C15orf61: variants seen among roughly 807,000 people sequenced by gnomAD.
C15orf61 encodes uncharacterized protein C15orf61.
A neutral mutation model predicts 13.7 loss-of-function variants in C15orf61; 12 were observed. The observed-to-expected ratio is 0.88, with a 90% CI of 0.56 to 1.42. The LOEUF is 1.42. Among genes scored for constraint, C15orf61 ranks in the 40% most tolerant of loss-of-function variants. The pLI is 0.00. For synonymous variants in C15orf61, 92 were observed against 94.1 expected, an observed-to-expected ratio of 0.98 and a Z score of 0.13; for missense variants, 248 against 213.2, an observed-to-expected ratio of 1.16 and a Z score of -1.02.
In C15orf61 at chr15:67,521,375, C is replaced by G; in HGVS notation, c.127C>G (p.Arg43Gly). 4.5e-6 allele frequency: 7 copies of G among 1,539,084 alleles called. No homozygotes were observed. Among genetic ancestry groups the G allele is most frequent in the Non-Finnish European group, 6.1e-6 (7 of 1,146,352 alleles). ...SEVLTRHLLQ[R>G]RLPHWTSFCV... ...GGTGCTGACGCGGCATCTGCTGCAG[C>G]GGCGCCTGCCGCACTGGACCTCCTT... The change falls in exon 1 of 2, where the codon CGG becomes GGG. Residue 43 changes from arginine to glycine, a missense_variant. By Grantham distance (125) the Arg-to-Gly change is moderately radical. Coordinates refer to ENST00000342683, the MANE Select transcript of C15orf61 (RefSeq NM_001143936.2).
At chr15:67,521,733 T>C in intron 1 of C15orf61, 139 bp downstream of exon 1, 1 of 903,176 alleles carries the variant, frequency 1.1e-6, no homozygotes, top group Non-Finnish European at 1.6e-6. Flanking sequence ...CGGCTTCGCC[T>C]GGGGTCCTTT....
In C15orf61 at chr15:67,529,362, CAGTTAT is replaced by C. The variant is rs1290003572; in HGVS notation, c.*2822_*2827del. 6.6e-6 allele frequency: 1 copy of C among 152,150 alleles called. No individual in the cohort carries two copies. Among genetic ancestry groups the C allele is most frequent in the African/African-American group, 2.4e-5 (1 of 41,436 alleles). The allele number at this position is 152,150 out of a possible 1,614,324, so 9.4% of individuals were successfully genotyped here. On this transcript the variant is annotated 3_prime_UTR_variant, in exon 2 of 2. Coordinates refer to ENST00000342683, the MANE Select transcript of C15orf61 (RefSeq NM_001143936.2). The surrounding 1 kb of genome is among the most constrained non-coding windows in gnomAD (Gnocchi z 4.4). ...GTCCTAAAATGCCAAATTGTAGAAA[CAGTTAT>C]AGTTTACCACACATTTTGGGGCATT...
In C15orf61 at chr15:67,528,542, T is replaced by C. The variant is rs2084211285; in HGVS notation, c.*1997T>C. On this transcript the variant is annotated 3_prime_UTR_variant, in exon 2 of 2. Coordinates refer to ENST00000342683, the MANE Select transcript of C15orf61 (RefSeq NM_001143936.2). ...GCGTGGTTTAAAAATTTAAATATCA[T>C]TCATTGGATTTATTAAGTCTTGTAA... 6.6e-6 allele frequency: 1 copy of C among 152,228 alleles called. No homozygotes were observed. Among genetic ancestry groups the C allele is most frequent in the East Asian group, 1.9e-4 (1 of 5,196 alleles). 9.4% of individuals were successfully genotyped at this position (152,228 alleles called of 1,614,324 possible).
At chr15:67,521,723 C>T (rs1237400409) in intron 1 of C15orf61, 129 bp downstream of exon 1, 5 of 999,444 alleles carry the variant, frequency 5.0e-6, no homozygotes, top group African/African-American at 1.6e-5. Context: ...CTCCCGGCGC[C>T]GGCTTCGCCT....
rs1165021369 is a variant in C15orf61 at position 67,529,819 on chromosome 15, T to A, written c.*3274T>A. ...AACTGTAAGCATAGAACATCTATAG[T>A]TCTTCATGAAATATCTTTTAACTCT... On this transcript the variant is annotated 3_prime_UTR_variant, in exon 2 of 2. Transcript: ENST00000342683. The surrounding 1 kb of genome is among the most constrained non-coding windows in gnomAD (Gnocchi z 4.4). The A allele has an allele frequency of 6.6e-6, 1 of 152,230 alleles. No individual in the cohort carries two copies. The highest frequency in any genetic ancestry group is 6.5e-5 in the Admixed American group (1 of 15,282). 9.4% of individuals were successfully genotyped at this position (152,230 alleles called of 1,614,324 possible). A position where few individuals can be genotyped will look rare whatever the true frequency, so the allele number is the denominator to read the frequency against.
chr15:67,521,701 A>C, intron 1 of C15orf61, 107 bp downstream of exon 1: 1 of 1,163,362 alleles, frequency 8.6e-7, no homozygotes, highest in Non-Finnish European at 1.2e-6. Context: ...GTCCCGCGGG[A>C]GTCAGCTCTG....
In C15orf61 at chr15:67,525,036, A is replaced by G. The variant is rs980656567; in HGVS notation, c.347-1382A>G. 9.2e-5 allele frequency among the ~76,000 whole-genome samples: 14 copies of G among 152,022 alleles called. No homozygotes were observed. Among genetic ancestry groups the G allele is most frequent in the African/African-American group, 3.1e-4 (13 of 41,398 alleles). On this transcript the variant is annotated intron_variant, in intron 1 of 1. Coordinates refer to ENST00000342683, the MANE Select transcript of C15orf61 (RefSeq NM_001143936.2). This position sits in a 1 kb window ranked among gnomAD's most constrained non-coding sequence, Gnocchi z 4.9. The stretch of plus-strand genomic sequence containing the variant: ...TTTTTTGTAGAGACGGGGTTTCTCC[A>G]TGTTGGTCAGGCTGGTCTCGAACTC...
In C15orf61 at chr15:67,527,893, G is replaced by A. The variant is rs2084207483; in HGVS notation, c.*1348G>A. On this transcript the variant is annotated 3_prime_UTR_variant, in exon 2 of 2. Transcript: ENST00000342683. Reference sequence around the variant, plus strand: ...TACTTATGCCAATATATTTAGTCCAGAAGAATATACTTGACACTAGTTAAA... The same window carrying A: ...TACTTATGCCAATATATTTAGTCCAAAAGAATATACTTGACACTAGTTAAA... 2.0e-5 allele frequency: 3 copies of A among 152,176 alleles called. No homozygotes were observed. 9.4% of individuals were successfully genotyped at this position (152,176 alleles called of 1,614,324 possible). A position where few individuals can be genotyped will look rare whatever the true frequency, so the allele number is the denominator to read the frequency against.
At position 67,521,275 on chromosome 15, in the gene C15orf61, G is replaced by C. The variant is rs560365405; in HGVS notation, c.27G>C (p.Glu9Asp). ...TGGAGGCCCTGAGGAGGGCCCACGA[G>C]GTCGCGCTCCGCCTGCTGCTGTGTA... MEALRRAHEVALRLLLCRP... is the reference protein window; with the variant it reads MEALRRAHDVALRLLLCRP... The change falls in exon 1 of 2, where the codon GAG (glutamate) becomes GAC (aspartate). Residue 9 changes from glutamate (E) to aspartate (D), a missense_variant. Transcript: ENST00000342683. 1.9e-5 allele frequency: 27 copies of C among 1,437,694 alleles called. No homozygotes were observed. In the Middle Eastern group the frequency reaches 1.8e-3, roughly 97 times the overall value. 89.1% of individuals were successfully genotyped at this position (1,437,694 alleles called of 1,614,324 possible).
In C15orf61 at chr15:67,526,473, GACTGTGC is replaced by G; in HGVS notation, c.404_410del (p.Thr135IlefsTer7). ...CCTGGTTATTTGCCAGAGTCACAGA[GACTGTGC>G]ATACCAGTTATGGACCCATAACAGT... On this transcript the variant is annotated frameshift_variant, in exon 2 of 2. Coordinates refer to ENST00000342683, the MANE Select transcript of C15orf61 (RefSeq NM_001143936.2). LOFTEE classifies it high-confidence loss of function. 1.9e-6 allele frequency: 3 copies of G among 1,540,734 alleles called. No individual in the cohort carries two copies. In the South Asian group the frequency reaches 3.6e-5, roughly 18 times the overall value.
At position 67,521,285 on chromosome 15, in the gene C15orf61, C is replaced by A; in HGVS notation, c.37C>A (p.Arg13Ser). The part of the protein sequence containing the change: ...ALRRAHEVAL[R>S]LLLCRPWASR... The stretch of plus-strand genomic sequence containing the variant: ...GAGGAGGGCCCACGAGGTCGCGCTC[C>A]GCCTGCTGCTGTGTAGGCCGTGGGC... The change falls in exon 1 of 2, where the codon CGC becomes AGC. Residue 13 changes from arginine (R) to serine (S), a missense_variant. Physicochemically the swap from Arg to Ser is moderately radical, Grantham distance 110. Coordinates refer to ENST00000342683, the MANE Select transcript of C15orf61 (RefSeq NM_001143936.2). 1 of 1,460,238 alleles carries A rather than the reference C, an allele frequency of 6.8e-7. No individual in the cohort carries two copies. Among genetic ancestry groups the A allele is most frequent in the Non-Finnish European group, 9.0e-7 (1 of 1,109,194 alleles). The allele number at this position is 1,460,238 out of a possible 1,614,324, so 90.5% of individuals were successfully genotyped here.
chr15:67,521,568 T>A lies in C15orf61; in HGVS notation c.320T>A (p.Phe107Tyr). ...GACCTGGCCCGGCAGAACCGCTTCT[T>A]CACGGCGCTCAAGGTCGTCAACCTC... ...WQDLARQNRF[F>Y]TALKVVNLGI... is the part of the protein sequence containing the mutation. The change falls in exon 1 of 2, where the codon TTC becomes TAC. Residue 107 changes from phenylalanine (F) to tyrosine (Y), a missense_variant. By Grantham distance (22) the Phe-to-Tyr change is conservative. Coordinates refer to ENST00000342683, the MANE Select transcript of C15orf61 (RefSeq NM_001143936.2). 6.5e-7 allele frequency: 1 copy of A among 1,539,156 alleles called. No homozygotes were observed. Among genetic ancestry groups the A allele is most frequent in the Non-Finnish European group, 8.8e-7 (1 of 1,140,078 alleles).
intron 1 of C15orf61, among the ~76,000 whole-genome samples, chr15:67,524,317 A>G (rs1237914565): frequency 1.3e-5 from 2 of 151,764 alleles, no homozygotes; most frequent in Non-Finnish European, 2.9e-5. Context: ...ACTACTCCCT[A>G]TACTTCACTC....
chr15:67,526,684 G>A lies in C15orf61; in HGVS notation c.*139G>A, dbSNP rs569451928. The A allele has an allele frequency of 1.2e-6, 1 of 840,310 alleles. No individual in the cohort carries two copies. The highest frequency in any genetic ancestry group is 2.9e-5 in the South Asian group (1 of 34,766). The allele number at this position is 840,310 out of a possible 1,614,324, so 52.1% of individuals were successfully genotyped here. A position where few individuals can be genotyped will look rare whatever the true frequency, so the allele number is the denominator to read the frequency against. The stretch of plus-strand genomic sequence containing the variant: ...ATCTGCTTCTTTAAGATGAATCATT[G>A]CCCTCAAGAGGTGAAGCTTTTTATA... On this transcript the variant is annotated 3_prime_UTR_variant, in exon 2 of 2. Coordinates refer to ENST00000342683, the MANE Select transcript of C15orf61 (RefSeq NM_001143936.2).
Position 67,528,578 on chromosome 15 carries a change from T to G in C15orf61, c.*2033T>G, listed in dbSNP as rs1211256517. The G allele has an allele frequency of 6.6e-6, 1 of 152,220 alleles. No individual in the cohort carries two copies. The highest frequency in any genetic ancestry group is 2.4e-5 in the African/African-American group (1 of 41,458). 9.4% of individuals were successfully genotyped at this position (152,220 alleles called of 1,614,324 possible). A position where few individuals can be genotyped will look rare whatever the true frequency, so the allele number is the denominator to read the frequency against. The stretch of plus-strand genomic sequence containing the variant: ...TATTAAGTCTTGTAAACTTGTAGTC[T>G]GAAAACAATACTTCCCATTGAACAG... On this transcript the variant is annotated 3_prime_UTR_variant, in exon 2 of 2. Coordinates refer to ENST00000342683, the MANE Select transcript of C15orf61 (RefSeq NM_001143936.2).
rs1288990463 is a variant in C15orf61, at chr15:67,521,313, C to T, written c.65C>T (p.Ser22Leu). The T allele has an allele frequency of 5.2e-6, 8 of 1,525,412 alleles. No individual in the cohort carries two copies. In the African/African-American group the frequency reaches 5.5e-5, roughly 11 times the overall value. 94.5% of individuals were successfully genotyped at this position (1,525,412 alleles called of 1,614,324 possible). The change falls in exon 1 of 2, where the codon TCG becomes TTG. Residue 22 changes from serine to leucine, a missense_variant. Physicochemically the swap from Ser to Leu is moderately radical, Grantham distance 145. Transcript: ENST00000342683. ...LRLLLCRPWA[S>L]RAAARPKPSA... ...CTGCTGCTGTGTAGGCCGTGGGCCTCGCGCGCCGCCGCCCGCCCCAAGCCC... is the reference window on the plus strand; with the variant it reads ...CTGCTGCTGTGTAGGCCGTGGGCCTTGCGCGCCGCCGCCCGCCCCAAGCCC...
intron 1 of C15orf61, among the ~76,000 whole-genome samples, chr15:67,522,654 T>G (rs1245698338): frequency 1.3e-5 from 2 of 152,310 alleles, no homozygotes; most frequent in African/African-American, 2.4e-5. Context: ...CCCACTACTT[T>G]GGAGGTTGGT....
chr15:67,526,290 A>T, intron 1 of C15orf61, 128 bp from the exon 2 acceptor site: 1 of 597,998 alleles, frequency 1.7e-6, no homozygotes, highest in Non-Finnish European at 2.7e-6. Context: ...ATCAGAGTCA[A>T]TGTTGATTAA....
chr15:67,523,651 A>T (rs539197686), intron 1 of C15orf61, among the ~76,000 whole-genome samples: 39 of 152,312 alleles, frequency 2.6e-4, no homozygotes, highest in African/African-American at 9.4e-4. Flanking sequence ...ACTCAAAGTG[A>T]ATTATTATGC....
Sources: gnomAD v4.1 joint callset for allele counts (sites outside exome capture counted in the v4.1 genomes callset) on GRCh38, gnomAD v4.1.1 for gene constraint, Gnocchi (gnomAD v3.1) non-coding constraint, MANE v1.5 for transcripts, NCBI Gene and HGNC (gene_info 2026-07-23, HGNC 2026-07-21) for gene names.